PDZRN4: variants seen among roughly 807,000 people sequenced by gnomAD.
PDZRN4 encodes PDZ domain-containing RING finger protein 4.
A neutral mutation model predicts 99.0 loss-of-function variants in PDZRN4; 70 were observed. The ratio of observed to expected loss-of-function variants is 0.71; its 90% CI spans 0.58 to 0.86. PDZRN4 has a LOEUF of 0.86. Among genes scored for constraint, PDZRN4 ranks in the 40% least tolerant of loss-of-function variants. The pLI, the probability that PDZRN4 is intolerant of heterozygous loss-of-function variation, is 0.00. For synonymous variants in PDZRN4, 551 were observed against 501.6 expected, an observed-to-expected ratio of 1.10 and a Z score of -1.32; for missense variants, 1,474 against 1,331.2, an observed-to-expected ratio of 1.11 and a Z score of -1.67.
chr12:41,552,861 T>A (rs773419079), intron 6 of PDZRN4, 107 bp downstream of exon 6: 48 of 815,556 alleles, frequency 5.9e-5, no homozygotes, highest in Non-Finnish European at 8.4e-5. Context: ...ATGTGAAGAA[T>A]TGGAGTTGGC....
intron 3 of PDZRN4, among the ~76,000 whole-genome samples, chr12:41,465,906 C>T (rs919805032): frequency 6.6e-6 from 1 of 151,820 alleles, no homozygotes; most frequent in Admixed American, 6.5e-5. Context: ...TTTTTAATAG[C>T]CTTGGTTTCA....
chr12:41,275,106 C>T (rs1421715016), intron 3 of PDZRN4, among the ~76,000 whole-genome samples: 1 of 152,142 alleles, frequency 6.6e-6, no homozygotes, highest in Non-Finnish European at 1.5e-5. Context: ...AGAGGCTTGA[C>T]TGGCATGGGA....
At chr12:41,397,589 T>A (rs1041189767) in intron 3 of PDZRN4, among the ~76,000 whole-genome samples, 1 of 152,192 alleles carries the variant, frequency 6.6e-6, no homozygotes, top group Non-Finnish European at 1.5e-5. Flanking sequence ...AAAAAAATGC[T>A]GTATTTAATT....
In PDZRN4 at chr12:41,572,926, T is replaced by C; in HGVS notation, c.2147T>C (p.Met716Thr). The C allele has an allele frequency of 6.2e-7, 1 of 1,614,088 alleles. No individual in the cohort carries two copies. Among genetic ancestry groups the C allele is most frequent in the Non-Finnish European group, 8.5e-7 (1 of 1,179,996 alleles). Reference sequence around the variant, plus strand: ...CGGAATTATAACACCAGCATAGATATGCAAAGGGGAAAGCTAGATGACATC... The same window carrying C: ...CGGAATTATAACACCAGCATAGATACGCAAAGGGGAAAGCTAGATGACATC... ...GFRNYNTSID[M>T]QRGKLDDIME... The change falls in exon 10 of 10, where the codon ATG (methionine) becomes ACG (threonine). Residue 716 changes from methionine to threonine, a missense_variant. Transcript: ENST00000402685.
intron 3 of PDZRN4, among the ~76,000 whole-genome samples, chr12:41,434,336 C>T (rs902923835): frequency 2.6e-5 from 4 of 151,468 alleles, no homozygotes; most frequent in Non-Finnish European, 5.9e-5. Flanking sequence ...ATTTAAGGGC[C>T]GTGTAATTTT....
chr12:41,333,880 A>G lies in PDZRN4; in HGVS notation c.843+139692A>G, dbSNP rs566839281. On this transcript the variant is annotated intron_variant, in intron 3 of 9. Transcript: ENST00000402685. ...TTCCTGAAGAATCTCTGTTGGATCA[A>G]CCAAGTAACTTTTCATACGCAGTTA... 1.9e-3 allele frequency among the ~76,000 whole-genome samples: 290 copies of G among 152,254 alleles called. 1 individual carries two copies. The highest frequency in any genetic ancestry group is 3.4e-3 in the Non-Finnish European group (228 of 68,002).
chr12:41,336,217 A>G lies in PDZRN4; in HGVS notation c.843+142029A>G, dbSNP rs534731577. ...ATGAACGGCTGATTCATCCTGGCAT[A>G]TGTGATTCAAAGAGAAGGAATAAAG... On this transcript the variant is annotated intron_variant, in intron 3 of 9. Coordinates refer to ENST00000402685, the MANE Select transcript of PDZRN4 (RefSeq NM_001164595.2). Among the ~76,000 whole-genome samples, 371 of 152,262 alleles carry G rather than the reference A, an allele frequency of 2.4e-3. 1 individual carries two copies. Among genetic ancestry groups the G allele is most frequent in the African/African-American group, 8.6e-3 (357 of 41,572 alleles).
At chr12:41,478,796 T>A (rs1937629028) in intron 3 of PDZRN4, among the ~76,000 whole-genome samples, 1 of 152,044 alleles carries the variant, frequency 6.6e-6, no homozygotes, top group East Asian at 1.9e-4. Flanking sequence ...CACACACTGT[T>A]CCTGATATCC....
At chr12:41,411,665 G>T (rs949760694) in intron 3 of PDZRN4, 5 of 152,120 alleles carry the variant, frequency 3.3e-5, no homozygotes, top group Admixed American at 1.3e-4. Flanking sequence ...TGCTTTTCTG[G>T]GGACTGCTTA....
chr12:41,359,943 A>C (rs1247791505), intron 3 of PDZRN4, among the ~76,000 whole-genome samples: 1 of 152,048 alleles, frequency 6.6e-6, no homozygotes, highest in Non-Finnish European at 1.5e-5. Flanking sequence ...TGCTATTCAT[A>C]GTAATACTAG....
intron 3 of PDZRN4, among the ~76,000 whole-genome samples, chr12:41,323,686 A>G (rs902001474): frequency 1.3e-5 from 2 of 152,042 alleles, no homozygotes; most frequent in Non-Finnish European, 2.9e-5. Context: ...TCACTAATAC[A>G]GTAACAAATG....
chr12:41,530,417 G>A (rs566152212), intron 5 of PDZRN4, among the ~76,000 whole-genome samples: 1 of 152,030 alleles, frequency 6.6e-6, no homozygotes, highest in African/African-American at 2.4e-5. Flanking sequence ...CGAAAATTCT[G>A]AACAAAGTTC....
At chr12:41,357,146 C>G (rs1301704668) in intron 3 of PDZRN4, among the ~76,000 whole-genome samples, 1 of 151,918 alleles carries the variant, frequency 6.6e-6, no homozygotes, top group Non-Finnish European at 1.5e-5. Flanking sequence ...CTCTCTGTCT[C>G]TTTCTCTCTC....
chr12:41,248,801 A>T (rs111262285), intron 3 of PDZRN4, among the ~76,000 whole-genome samples: 1 of 152,122 alleles, frequency 6.6e-6, no homozygotes, highest in Non-Finnish European at 1.5e-5. Context: ...ATTGCATTGT[A>T]ATGTAGCATT....
intron 3 of PDZRN4, among the ~76,000 whole-genome samples, chr12:41,490,387 C>T (rs1368863952): frequency 2.0e-5 from 3 of 152,066 alleles, no homozygotes; most frequent in Non-Finnish European, 4.4e-5. Context: ...AAATCTATAC[C>T]ACCCAAAAAT....
chr12:41,546,090 C>T (rs1053842279), intron 5 of PDZRN4, among the ~76,000 whole-genome samples: 2 of 152,170 alleles, frequency 1.3e-5, no homozygotes, highest in African/African-American at 4.8e-5. Flanking sequence ...AATTGTCGGG[C>T]AGCATGGATT....
intron 3 of PDZRN4, among the ~76,000 whole-genome samples, chr12:41,450,349 T>C (rs1258746918): frequency 6.6e-6 from 1 of 152,170 alleles, no homozygotes; most frequent in East Asian, 1.9e-4. Flanking sequence ...ACATATAACC[T>C]TAGATAGACA....
rs1375911865 is a variant in PDZRN4 at position 41,265,600 on chromosome 12, G to A, written c.843+71412G>A. Among the ~76,000 whole-genome samples the A allele has an allele frequency of 2.0e-5, 3 of 152,104 alleles. No individual in the cohort carries two copies. In the East Asian group the frequency reaches 5.8e-4, roughly 29 times the overall value. On this transcript the variant is annotated intron_variant, in intron 3 of 9. Coordinates refer to ENST00000402685, the MANE Select transcript of PDZRN4 (RefSeq NM_001164595.2). Reference sequence around the variant, plus strand: ...CTACATTAGGAGTGCTGCTTTCTTCGAAATCTATGAGTCAGTCCTCAGTTG... The same window carrying A: ...CTACATTAGGAGTGCTGCTTTCTTCAAAATCTATGAGTCAGTCCTCAGTTG...
intron 3 of PDZRN4, among the ~76,000 whole-genome samples, chr12:41,218,971 A>G (rs1193141273): frequency 1.3e-5 from 2 of 152,072 alleles, no homozygotes; most frequent in Non-Finnish European, 2.9e-5. Flanking sequence ...TACTAGGAAT[A>G]TTATTGTTCC....
Sources: gnomAD v4.1 joint callset for allele counts (sites outside exome capture counted in the v4.1 genomes callset) on GRCh38, gnomAD v4.1.1 for gene constraint, MANE v1.5 for transcripts, NCBI Gene and HGNC (gene_info 2026-07-23, HGNC 2026-07-21) for gene names.